PPP2R5E: variants seen among roughly 807,000 people sequenced by gnomAD.
PPP2R5E encodes protein phosphatase 2 regulatory subunit B'epsilon.
PPP2R5E carries 4 observed loss-of-function variants against 65.3 expected under a neutral mutation model. That is an observed-to-expected ratio of 0.06 (90% CI 0.03 to 0.14). The LOEUF (loss-of-function observed/expected upper bound fraction) is 0.14. Among genes scored for constraint, PPP2R5E ranks in the 10% least tolerant of loss-of-function variants. PPP2R5E has a pLI of 1.00. For synonymous variants in PPP2R5E, 183 were observed against 187.4 expected, an observed-to-expected ratio of 0.98 and a Z score of 0.19; for missense variants, 274 against 556.1, an observed-to-expected ratio of 0.49 and a Z score of 5.10.
At chr14:63,525,171 C>CATCT (rs774466347) in intron 2 of PPP2R5E, among the ~76,000 whole-genome samples, 1 of 152,190 alleles carries the variant, frequency 6.6e-6, no homozygotes, top group Non-Finnish European at 1.5e-5. Flanking sequence ...AACCAACAGA[C>CATCT]ATCTCTTCTT....
intron 2 of PPP2R5E, among the ~76,000 whole-genome samples, chr14:63,538,324 G>A (rs552825235): frequency 3.4e-4 from 51 of 149,644 alleles, no homozygotes; most frequent in African/African-American, 6.4e-4. Context: ...GCAATGGCAC[G>A]ATCTGGGCTC....
chr14:63,434,352 G>A (rs1887849749), intron 3 of PPP2R5E, among the ~76,000 whole-genome samples: 1 of 152,104 alleles, frequency 6.6e-6, no homozygotes, highest in African/African-American at 2.4e-5. Context: ...TACATTAGTG[G>A]GTCTTAGTAT....
At chr14:63,479,086 G>A (rs1403009021) in intron 2 of PPP2R5E, among the ~76,000 whole-genome samples, 1 of 152,104 alleles carries the variant, frequency 6.6e-6, no homozygotes, top group East Asian at 1.9e-4. Flanking sequence ...CTGAGATCAT[G>A]CCACTGCACT....
chr14:63,461,639 T>TAAAAAAA (rs1566719480), intron 2 of PPP2R5E, among the ~76,000 whole-genome samples: 19 of 87,980 alleles, frequency 2.2e-4, no homozygotes, highest in African/African-American at 1.5e-3. Context: ...TCTACAAAAT[T>TAAAAAAA]TAAAAAAAAA....
rs575513729 is a variant in PPP2R5E at position 63,424,430 on chromosome 14, T to G, written c.355-2336A>C. On this transcript the variant is annotated intron_variant, in intron 3 of 13. Coordinates refer to ENST00000337537, the MANE Select transcript of PPP2R5E (RefSeq NM_006246.5). ...ACTTAAAGCCACCAGACCAAAGGGATCACCTTGGAAAGGAGTAAACAAAAA... is the reference window on the plus strand; with the variant it reads ...ACTTAAAGCCACCAGACCAAAGGGAGCACCTTGGAAAGGAGTAAACAAAAA... Among the ~76,000 whole-genome samples the G allele has an allele frequency of 2.2e-4, 33 of 152,012 alleles. No individual in the cohort carries two copies. In the South Asian group the frequency reaches 6.9e-3, roughly 32 times the overall value.
At chr14:63,514,674 C>A (rs542408247) in intron 2 of PPP2R5E, among the ~76,000 whole-genome samples, 1 of 152,168 alleles carries the variant, frequency 6.6e-6, no homozygotes, top group Admixed American at 6.5e-5. Context: ...CTCTAAGCAG[C>A]GAAGATGAGA....
intron 2 of PPP2R5E, among the ~76,000 whole-genome samples, chr14:63,488,796 C>T (rs1891136795): frequency 6.6e-6 from 1 of 151,830 alleles, no homozygotes; most frequent in Admixed American, 6.6e-5. Flanking sequence ...TTACAGAGAG[C>T]CAAGATCGCA....
At chr14:63,527,494 A>G (rs1026044113) in intron 2 of PPP2R5E, among the ~76,000 whole-genome samples, 2 of 152,246 alleles carry the variant, frequency 1.3e-5, no homozygotes, top group Admixed American at 6.5e-5. Context: ...ACTTTTTCCT[A>G]TAATTATAGT....
intron 13 of PPP2R5E, among the ~76,000 whole-genome samples, chr14:63,380,101 T>C (rs1884251312): frequency 6.6e-6 from 1 of 151,916 alleles, no homozygotes; most frequent in Non-Finnish European, 1.5e-5. Flanking sequence ...CCCAAAGTGA[T>C]GGGATTACAG....
At chr14:63,525,772 A>G (rs1893162538) in intron 2 of PPP2R5E, among the ~76,000 whole-genome samples, 1 of 152,294 alleles carries the variant, frequency 6.6e-6, no homozygotes, top group African/African-American at 2.4e-5. Context: ...CTCAATTCAG[A>G]TTTTGTTTCC....
At chr14:63,492,580 C>T (rs1189610344) in intron 2 of PPP2R5E, among the ~76,000 whole-genome samples, 1 of 152,092 alleles carries the variant, frequency 6.6e-6, no homozygotes, top group Non-Finnish European at 1.5e-5. Flanking sequence ...TTCTTTTGGA[C>T]TCTCCCAGCC....
intron 2 of PPP2R5E, among the ~76,000 whole-genome samples, chr14:63,482,765 A>G (rs910932910): frequency 6.6e-6 from 1 of 152,226 alleles, no homozygotes; most frequent in Non-Finnish European, 1.5e-5. Context: ...GCATAGTCAG[A>G]CAGCCCCTAG....
Position 63,534,301 on chromosome 14 carries a change from T to G in PPP2R5E, c.157+5228A>C, listed in dbSNP as rs115126452. On this transcript the variant is annotated intron_variant, in intron 2 of 13. Coordinates refer to ENST00000337537, the MANE Select transcript of PPP2R5E (RefSeq NM_006246.5). The stretch of plus-strand genomic sequence containing the variant: ...TATCCAAGTCTTGACTTTCTTTTTT[T>G]TTTTAAGACAGAGTTTATAGTGGCA... Among the ~76,000 whole-genome samples, 897 of 152,266 alleles carry G rather than the reference T, an allele frequency of 5.9e-3. 7 individuals are homozygous for G. Among genetic ancestry groups the G allele is most frequent in the African/African-American group, 0.02 (840 of 41,550 alleles).
At chr14:63,399,366 CTTTTTTTTTTTTTTTTTTTTT>C (rs397814218) in intron 5 of PPP2R5E, among the ~76,000 whole-genome samples, 4 of 48,518 alleles carry the variant, frequency 8.2e-5, no homozygotes, top group South Asian at 2.2e-3. Context: ...GGATTTCTTT[CTTTTTTTTTTTTTTTTTTTTT>C]TTTTTTTTTT....
chr14:63,386,637 G>T (rs1884684448), intron 11 of PPP2R5E, among the ~76,000 whole-genome samples: 1 of 151,866 alleles, frequency 6.6e-6, no homozygotes, highest in Non-Finnish European at 1.5e-5. Flanking sequence ...TGTAACATAG[G>T]TGGGGCTGGG....
intron 5 of PPP2R5E, among the ~76,000 whole-genome samples, chr14:63,399,085 T>C (rs1003650261): frequency 1.3e-5 from 2 of 152,130 alleles, no homozygotes; most frequent in African/African-American, 4.8e-5. Context: ...ATGGGAGCAA[T>C]ATTCATAATA....
intron 2 of PPP2R5E, among the ~76,000 whole-genome samples, chr14:63,518,778 A>G (rs1227089999): frequency 6.6e-6 from 1 of 152,178 alleles, no homozygotes; most frequent in African/African-American, 2.4e-5. Context: ...TTCCATCATA[A>G]TGTTATTATA....
At chr14:63,404,845 A>G (rs1463640830) in intron 5 of PPP2R5E, among the ~76,000 whole-genome samples, 1 of 152,186 alleles carries the variant, frequency 6.6e-6, no homozygotes, top group East Asian at 1.9e-4. Flanking sequence ...AAGACAACCT[A>G]TTTGGTCAGC....
intron 2 of PPP2R5E, among the ~76,000 whole-genome samples, chr14:63,476,468 A>C (rs890970412): frequency 8.5e-5 from 13 of 152,316 alleles, no homozygotes; most frequent in African/African-American, 3.1e-4. Context: ...CTTATAGGCT[A>C]CAAAAAGACC....
Sources: gnomAD v4.1 joint callset for allele counts (sites outside exome capture counted in the v4.1 genomes callset) on GRCh38, gnomAD v4.1.1 for gene constraint, MANE v1.5 for transcripts, NCBI Gene and HGNC (gene_info 2026-07-23, HGNC 2026-07-21) for gene names.